The following METTL8 variants were observed in gnomAD, a reference collection of about 807,000 sequenced individuals.
The protein encoded by METTL8 is methyltransferase 8, tRNA N3-cytidine, also known as tRNA N(3)-cytidine methyltransferase METTL8, mitochondrial.
METTL8 carries 32 observed loss-of-function variants against 48.7 expected under a neutral mutation model. The observed-to-expected ratio is 0.66, with a 90% CI of 0.50 to 0.88. The LOEUF (loss-of-function observed/expected upper bound fraction) is 0.88. METTL8 is among the 40% of genes least tolerant of loss of function. The probability of loss-of-function intolerance (pLI) is 0.00; values close to 1 mark genes in which losing one functional copy is unlikely to be tolerated. For synonymous variants in METTL8, 136 were observed against 157.1 expected, an observed-to-expected ratio of 0.87 and a Z score of 1.01; for missense variants, 464 against 474.4, an observed-to-expected ratio of 0.98 and a Z score of 0.20.
At chr2:171,407,353 A>G (rs573693840) in intron 1 of METTL8, among the ~76,000 whole-genome samples, 32 of 152,132 alleles carry the variant, frequency 2.1e-4, no homozygotes, top group Middle Eastern at 6.8e-3. Context: ...GGGAAATGGA[A>G]AGAAACAGGG....
At chr2:171,423,088 C>T (rs1040849178) in intron 1 of METTL8, among the ~76,000 whole-genome samples, 1 of 152,182 alleles carries the variant, frequency 6.6e-6, no homozygotes, top group African/African-American at 2.4e-5. Context: ...TTATAAGGGG[C>T]TTCTCCCCTG....
intron 1 of METTL8, among the ~76,000 whole-genome samples, chr2:171,404,958 C>G (rs1690029674): frequency 6.6e-6 from 1 of 152,122 alleles, no homozygotes; most frequent in South Asian, 2.1e-4. Flanking sequence ...GAGGGAGAAT[C>G]AATGAATTTC....
intron 2 of METTL8, among the ~76,000 whole-genome samples, chr2:171,366,995 A>G (rs1685796041): frequency 6.6e-6 from 1 of 152,142 alleles, no homozygotes; most frequent in Admixed American, 6.5e-5. Flanking sequence ...ATTGAAGACC[A>G]GAGACACAAA....
chr2:171,421,994 A>C (rs1362504261), intron 1 of METTL8, among the ~76,000 whole-genome samples: 1 of 152,242 alleles, frequency 6.6e-6, no homozygotes, highest in Non-Finnish European at 1.5e-5. Flanking sequence ...TGATTTTAAA[A>C]GGTATATGAA....
rs1559041880 is a variant in METTL8 at position 171,325,911 on chromosome 2, A to G, written c.968-5T>C. ...AATTTTCAGATAAACAATGTCCTGA[A>G]AAAAATTGTGAAAAGAGAAACTCTT... On this transcript the variant is annotated splice_region_variant and splice_polypyrimidine_tract_variant and intron_variant, in intron 8 of 9. Transcript: ENST00000375258. 1 of 1,588,948 alleles carries G rather than the reference A, an allele frequency of 6.3e-7. No homozygotes were observed. Among genetic ancestry groups the G allele is most frequent in the Admixed American group, 1.7e-5 (1 of 58,542 alleles).
intron 3 of METTL8, among the ~76,000 whole-genome samples, chr2:171,349,517 C>G (rs1415464055): frequency 2.0e-5 from 3 of 152,156 alleles, no homozygotes; most frequent in Non-Finnish European, 4.4e-5. Flanking sequence ...AGCCAGAACA[C>G]GATTCCATTT....
At chr2:171,350,707 C>T (rs184260401) in intron 3 of METTL8, among the ~76,000 whole-genome samples, 11 of 152,258 alleles carry the variant, frequency 7.2e-5, no homozygotes, top group South Asian at 2.1e-4. Context: ...ATTTCCCTGA[C>T]GGCCAGTGAT....
intron 5 of METTL8, among the ~76,000 whole-genome samples, chr2:171,336,863 C>CTTTTTTTTT (rs71013037): frequency 6.8e-5 from 6 of 88,110 alleles, no homozygotes; most frequent in Non-Finnish European, 1.1e-4. Context: ...ATCACTTCCT[C>CTTTTTTTTT]TTTTTTTTTT....
At position 171,393,407 on chromosome 2, in the gene METTL8, C is replaced by CAAAAAAA. The variant is rs10629650; in HGVS notation, c.-12-1217_-12-1211dup. Among the ~76,000 whole-genome samples, 40 of 104,154 alleles carry CAAAAAAA rather than the reference C, an allele frequency of 3.8e-4. 2 individuals are homozygous for CAAAAAAA. Among genetic ancestry groups the CAAAAAAA allele is most frequent in the African/African-American group, 5.8e-4 (15 of 26,076 alleles). The allele number at this position is 104,154 out of a possible 152,430, so 68.3% of individuals were successfully genotyped here. On this transcript the variant is annotated intron_variant, in intron 1 of 9. Transcript: ENST00000375258. ...AGCAAGACTCTGTCTTATAAAAAAG[C>CAAAAAAA]AAAAAAAAAAAAAAAAAAGCATGCT...
At chr2:171,400,897 C>T (rs1689577751) in intron 1 of METTL8, among the ~76,000 whole-genome samples, 1 of 152,118 alleles carries the variant, frequency 6.6e-6, no homozygotes, top group Non-Finnish European at 1.5e-5. Flanking sequence ...CTAGGAAAAA[C>T]TATTTGTAAA....
At position 171,408,296 on chromosome 2, in the gene METTL8, GTT is replaced by G. The variant is rs373375150; in HGVS notation, c.-12-16101_-12-16100del. ...TTCCAGAGAATTCTACAGTTTTTTT[GTT>G]TTTTTTTTTTTTTGAGATGGAGTTT... On this transcript the variant is annotated intron_variant, in intron 1 of 9. Transcript: ENST00000375258. Among the ~76,000 whole-genome samples the G allele has an allele frequency of 1.7e-4, 21 of 127,222 alleles. No homozygotes were observed. The East Asian group carries it at 3.2e-3, about 19-fold the overall frequency. The allele number at this position is 127,222 out of a possible 152,430, so 83.5% of individuals were successfully genotyped here.
At chr2:171,369,546 T>C (rs1442903021) in intron 2 of METTL8, among the ~76,000 whole-genome samples, 1 of 152,238 alleles carries the variant, frequency 6.6e-6, no homozygotes, top group African/African-American at 2.4e-5. Context: ...ATTATTGTTT[T>C]GGAATTAATA....
intron 2 of METTL8, among the ~76,000 whole-genome samples, chr2:171,377,823 T>C (rs895055095): frequency 6.6e-6 from 1 of 152,158 alleles, no homozygotes; most frequent in Non-Finnish European, 1.5e-5. Context: ...AGTATGGAGA[T>C]TCCTTAAAGA....
chr2:171,334,961 A>C (rs576283529), intron 5 of METTL8, among the ~76,000 whole-genome samples: 2 of 152,380 alleles, frequency 1.3e-5, no homozygotes, highest in African/African-American at 4.8e-5. Flanking sequence ...GACAAGGCAT[A>C]AATAAATGAC....
intron 1 of METTL8, among the ~76,000 whole-genome samples, chr2:171,427,360 A>C (rs945109624): frequency 6.6e-6 from 1 of 152,166 alleles, no homozygotes; most frequent in Non-Finnish European, 1.5e-5. Context: ...AGCCATAATG[A>C]CCTTTTTATA....
Position 171,358,633 on chromosome 2 carries a change from T to C in METTL8, c.235+1789A>G, listed in dbSNP as rs12105328. On this transcript the variant is annotated intron_variant, in intron 3 of 9. Coordinates refer to ENST00000375258, the MANE Select transcript of METTL8 (RefSeq NM_001321154.2). Reference sequence around the variant, plus strand: ...AAGCAGAAGAATGAAACTAGATTCTTATTTACTATATATAAAAATCAAATC... The same window carrying C: ...AAGCAGAAGAATGAAACTAGATTCTCATTTACTATATATAAAAATCAAATC... 5.9e-3 allele frequency among the ~76,000 whole-genome samples: 895 copies of C among 152,300 alleles called. 6 individuals are homozygous for C. The highest frequency in any genetic ancestry group is 0.021 in the African/African-American group (858 of 41,564).
At chr2:171,363,596 T>C (rs1227561798) in intron 2 of METTL8, among the ~76,000 whole-genome samples, 2 of 151,484 alleles carry the variant, frequency 1.3e-5, no homozygotes, top group Non-Finnish European at 2.9e-5. Context: ...GAAATATTTG[T>C]ATGAAGATAT....
At chr2:171,380,554 G>C (rs1211373068) in intron 2 of METTL8, among the ~76,000 whole-genome samples, 1 of 152,050 alleles carries the variant, frequency 6.6e-6, no homozygotes, top group Non-Finnish European at 1.5e-5. Flanking sequence ...AGCAAAGTCT[G>C]GGAAACAAAA....
At chr2:171,365,317 T>C (rs2105485100) in intron 2 of METTL8, among the ~76,000 whole-genome samples, 1 of 152,334 alleles carries the variant, frequency 6.6e-6, no homozygotes, top group South Asian at 2.1e-4. Context: ...GAGACTACTT[T>C]GCTCCAGGAA....
Sources: gnomAD v4.1 joint callset for allele counts (sites outside exome capture counted in the v4.1 genomes callset) on GRCh38, gnomAD v4.1.1 for gene constraint, MANE v1.5 for transcripts, NCBI Gene and HGNC (gene_info 2026-07-23, HGNC 2026-07-21) for gene names.